Variants in FOXP2 observed in about 807,000 individuals in gnomAD.
The protein encoded by FOXP2 is forkhead box P2.
In FOXP2, 12 loss-of-function variants were observed where a neutral mutation model predicts 115.8. That is an observed-to-expected ratio of 0.10 (90% CI 0.07 to 0.17). The LOEUF (loss-of-function observed/expected upper bound fraction) is 0.17. FOXP2 is among the 10% of genes least tolerant of loss of function. FOXP2 has a pLI of 1.00. For missense variants in FOXP2, 629 were observed against 843.5 expected, an observed-to-expected ratio of 0.75 and a Z score of 3.15; for synonymous variants, 328 against 297.7, an observed-to-expected ratio of 1.10 and a Z score of -1.05.
chr7:114,504,152 T>A (rs1295190217), intron 2 of FOXP2, among the ~76,000 whole-genome samples: 1 of 151,746 alleles, frequency 6.6e-6, no homozygotes. Flanking sequence ...TAATTTTTAC[T>A]GTAATCTATA....
chr7:114,192,628 G>A (rs1422183518), intron 1 of FOXP2, among the ~76,000 whole-genome samples: 1 of 152,146 alleles, frequency 6.6e-6, no homozygotes, highest in Non-Finnish European at 1.5e-5. Flanking sequence ...GTTTCATACA[G>A]CAGTGTATAT....
intron 1 of FOXP2, among the ~76,000 whole-genome samples, chr7:114,223,096 T>C (rs1391107468): frequency 6.6e-6 from 1 of 152,178 alleles, no homozygotes; most frequent in Non-Finnish European, 1.5e-5. Flanking sequence ...GGTACACATA[T>C]ACAAGATTTT....
chr7:114,607,022 A>G (rs978327866), intron 3 of FOXP2, among the ~76,000 whole-genome samples: 19 of 152,290 alleles, frequency 1.2e-4, no homozygotes, highest in Non-Finnish European at 2.1e-4. Context: ...TCTAGAGCCT[A>G]CCCTTCTAAC....
chr7:114,161,178 T>C (rs1447805896), upstream of FOXP2, among the ~76,000 whole-genome samples: 1 of 152,196 alleles, frequency 6.6e-6, no homozygotes, highest in African/African-American at 2.4e-5. Context: ...TGCCTGTTGA[T>C]AAGTTTCAGT....
At chr7:114,202,891 A>G (rs1358765239) in intron 1 of FOXP2, among the ~76,000 whole-genome samples, 1 of 152,168 alleles carries the variant, frequency 6.6e-6, no homozygotes, top group Non-Finnish European at 1.5e-5. Context: ...CCTCTTACCA[A>G]TCCTTTTACT....
intron 1 of FOXP2, chr7:114,419,746 A>G: frequency 6.6e-6 from 1 of 151,648 alleles, no homozygotes; most frequent in East Asian, 1.9e-4. Context: ...ACACACACAC[A>G]CCCCAGAAAG....
rs112133939 is a variant in FOXP2 at position 114,191,972 on chromosome 7, T to A, written c.-102+28884T>A. Among the ~76,000 whole-genome samples the A allele has an allele frequency of 3.0e-3, 455 of 152,296 alleles. 4 individuals are homozygous for A. The highest frequency in any genetic ancestry group is 0.011 in the African/African-American group (440 of 41,572). On this transcript the variant is annotated intron_variant, in intron 1 of 17. Coordinates refer to the FOXP2 transcript ENST00000634411. Reference sequence around the variant, plus strand: ...CTGAATTTATTACTGTCTCTGTAGTTTTGCCTTTTCTTGAGTGTCATATAG... The same window carrying A: ...CTGAATTTATTACTGTCTCTGTAGTATTGCCTTTTCTTGAGTGTCATATAG...
At chr7:114,539,352 T>C (rs1038003576) in intron 3 of FOXP2, among the ~76,000 whole-genome samples, 1 of 151,946 alleles carries the variant, frequency 6.6e-6, no homozygotes, top group Admixed American at 6.6e-5. Flanking sequence ...CTTTTAAATA[T>C]AATGTAGAAG....
At chr7:114,411,492 G>A (rs1251706378), upstream of FOXP2, among the ~76,000 whole-genome samples, 2 of 151,994 alleles carry the variant, frequency 1.3e-5, no homozygotes, top group African/African-American at 4.8e-5. Context: ...TTGAATAAAG[G>A]AATTTCACAG....
intron 2 of FOXP2, among the ~76,000 whole-genome samples, chr7:114,456,976 AAAAG>A (rs1293435412): frequency 2.6e-5 from 4 of 152,202 alleles, no homozygotes; most frequent in African/African-American, 4.8e-5. Context: ...TCAAAAAAGA[AAAAG>A]AGAGAGAGAG....
At chr7:114,341,972 C>T (rs1379872848) in intron 2 of FOXP2, among the ~76,000 whole-genome samples, 2 of 151,232 alleles carry the variant, frequency 1.3e-5, no homozygotes, top group Admixed American at 6.6e-5. Flanking sequence ...TATTCCTGTC[C>T]GGGGACCCAA....
chr7:114,326,246 T>C (rs1016755500), intron 2 of FOXP2, among the ~76,000 whole-genome samples: 3 of 152,134 alleles, frequency 2.0e-5, no homozygotes, highest in Non-Finnish European at 4.4e-5. Context: ...ACAAAGTTTG[T>C]ACTCTTCAGC....
intron 1 of FOXP2, among the ~76,000 whole-genome samples, chr7:114,423,000 T>G (rs1793684228): frequency 6.6e-6 from 1 of 151,720 alleles, no homozygotes; most frequent in Admixed American, 6.6e-5. Flanking sequence ...CTGTTGTGAC[T>G]ATAACAGGGA....
At chr7:114,661,874 A>G in intron 13 of FOXP2, 191 bp from the exon 14 acceptor site, 2 of 635,920 alleles carry the variant, frequency 3.1e-6, no homozygotes, top group Middle Eastern at 4.7e-4. Context: ...CTCTTATCAC[A>G]AAGTTCAAAC....
intron 1 of FOXP2, among the ~76,000 whole-genome samples, chr7:114,106,769 T>C (rs1791128728): frequency 6.6e-6 from 1 of 152,030 alleles, no homozygotes; most frequent in African/African-American, 2.4e-5. Context: ...TGTTTATTCA[T>C]GAAGTTCTCT....
chr7:114,199,492 T>C (rs531138748), intron 1 of FOXP2, among the ~76,000 whole-genome samples: 3 of 152,282 alleles, frequency 2.0e-5, no homozygotes, highest in Non-Finnish European at 4.4e-5. Flanking sequence ...CTGTCAACAA[T>C]GTGGAAGCAT....
At chr7:114,679,599 A>G (rs1286677283) in intron 16 of FOXP2, among the ~76,000 whole-genome samples, 1 of 152,024 alleles carries the variant, frequency 6.6e-6, no homozygotes, top group South Asian at 2.1e-4. Flanking sequence ...CTATTCTAAC[A>G]CACACACACA....
chr7:114,244,141 T>C (rs1364440077), intron 1 of FOXP2, among the ~76,000 whole-genome samples: 2 of 152,174 alleles, frequency 1.3e-5, no homozygotes, highest in African/African-American at 4.8e-5. Flanking sequence ...TATAGTAAAA[T>C]GTTTGTTTCC....
intron 2 of FOXP2, among the ~76,000 whole-genome samples, chr7:114,481,762 C>CTCTA (rs3028214): frequency 0.13 from 19,016 of 145,284 alleles, 1,214 homozygotes; most frequent in Admixed American, 0.14. Flanking sequence ...CATATGGAAA[C>CTCTA]TCTATCTATC....
Sources: gnomAD v4.1 joint callset for allele counts (sites outside exome capture counted in the v4.1 genomes callset) on GRCh38, gnomAD v4.1.1 for gene constraint, MANE v1.5 for transcripts, NCBI Gene and HGNC (gene_info 2026-07-23, HGNC 2026-07-21) for gene names.